Variants in GCLC observed in about 807,000 individuals in gnomAD.
GCLC encodes the protein glutamate--cysteine ligase catalytic subunit.
Under a neutral mutation model 81.5 loss-of-function variants are expected in GCLC, and 30 were observed. That is an observed-to-expected ratio of 0.37 (90% CI 0.28 to 0.50). The LOEUF (loss-of-function observed/expected upper bound fraction) is 0.50. Among genes scored for constraint, GCLC ranks in the 20% least tolerant of loss-of-function variants. GCLC has a pLI of 0.96. For missense variants in GCLC, 556 were observed against 777.4 expected, an observed-to-expected ratio of 0.72 and a Z score of 3.39; for synonymous variants, 262 against 273.3, an observed-to-expected ratio of 0.96 and a Z score of 0.41.
chr6:53,542,662 G>A (rs1435914132), intron 1 of GCLC, among the ~76,000 whole-genome samples: 1 of 152,116 alleles, frequency 6.6e-6, no homozygotes, highest in Non-Finnish European at 1.5e-5. Flanking sequence ...TTCTACCTGG[G>A]ACAATGACTA....
Position 53,515,783 on chromosome 6 carries a change from GA to G in GCLC, c.560+325del, listed in dbSNP as rs5876317. Among the ~76,000 whole-genome samples the G allele has an allele frequency of 0.55, 82,876 of 150,646 alleles. 23,329 individuals are homozygous for G. Among genetic ancestry groups the G allele is most frequent in the African/African-American group, 0.67 (27,571 of 41,128 alleles). ...GACAAAAAAGGAGAAATAACTAAGA[GA>G]AAAAAAAAATCCCAGTAGGCATTTA... is the stretch of plus-strand genomic sequence containing the variant. On this transcript the variant is annotated intron_variant, in intron 4 of 15. Transcript: ENST00000650454.
At chr6:53,518,494 G>A (rs970271854) in intron 3 of GCLC, among the ~76,000 whole-genome samples, 1 of 152,074 alleles carries the variant, frequency 6.6e-6, no homozygotes, top group Non-Finnish European at 1.5e-5. Flanking sequence ...CAGGTGATCC[G>A]CCTGCCTCGG....
chr6:53,517,364 T>G (rs1385113413), intron 3 of GCLC, among the ~76,000 whole-genome samples: 4 of 148,598 alleles, frequency 2.7e-5, no homozygotes, highest in Non-Finnish European at 5.9e-5. Flanking sequence ...CCTAAAGTAC[T>G]GGGATTACAA....
Position 53,500,476 on chromosome 6 carries a change from G to C in GCLC, c.1433C>G (p.Ala478Gly). ...ENMKVAQKRD[A>G]VLQGMFYFRK... Reference sequence around the variant, plus strand: ...GAAATAAAACATTCCCTGCAAGACAGCATCTCTTTTCTGTGCTACCTTCAT... The same window carrying C: ...GAAATAAAACATTCCCTGCAAGACACCATCTCTTTTCTGTGCTACCTTCAT... The change falls in exon 13 of 16, where the codon GCT becomes GGT. Residue 478 changes from alanine (A) to glycine (G), a missense_variant. Ala to Gly is a moderately conservative substitution (Grantham distance 60). Around this residue, in one of 3 missense-constraint regions of GCLC, gnomAD observed 313 missense variants for 437.3 expected, o/e 0.72. Coordinates refer to ENST00000650454, the MANE Select transcript of GCLC (RefSeq NM_001498.4). The C allele has an allele frequency of 6.2e-7, 1 of 1,611,908 alleles. No individual in the cohort carries two copies. Among genetic ancestry groups the C allele is most frequent in the African/African-American group, 1.3e-5 (1 of 74,974 alleles).
chr6:53,523,727 G>A (rs2300422), intron 1 of GCLC, among the ~76,000 whole-genome samples: 12,893 of 152,084 alleles, frequency 0.085, 1,188 homozygotes, highest in Admixed American at 0.28. Context: ...TGAGTCAGCC[G>A]TCCTCATCAC....
Position 53,544,724 on chromosome 6 carries a change from G to A in GCLC, c.-79C>T. The A allele has an allele frequency of 1.4e-6, 2 of 1,390,682 alleles. No individual in the cohort carries two copies. The highest frequency in any genetic ancestry group is 1.9e-6 in the Non-Finnish European group (2 of 1,038,282). 86.1% of individuals were successfully genotyped at this position (1,390,682 alleles called of 1,614,324 possible). A position where few individuals can be genotyped will look rare whatever the true frequency, so the allele number is the denominator to read the frequency against. On this transcript the variant is annotated 5_prime_UTR_variant, in exon 1 of 16. Transcript: ENST00000650454. ...CCGGGCGCGAGACGGACACTCAGCC[G>A]CCCGCAGAAGGCGGCTGCCGCTCCA...
chr6:53,507,975 G>A (rs1764649308), intron 8 of GCLC, among the ~76,000 whole-genome samples: 1 of 152,154 alleles, frequency 6.6e-6, no homozygotes, highest in South Asian at 2.1e-4. Flanking sequence ...TAGAAAGCAT[G>A]TTCAACAATT....
chr6:53,514,716 T>G (rs1764832244), intron 4 of GCLC, among the ~76,000 whole-genome samples: 1 of 152,220 alleles, frequency 6.6e-6, no homozygotes. Context: ...TGCTCGAGAA[T>G]GCCGTTCTGT....
chr6:53,521,265 G>A (rs540462659), intron 2 of GCLC, among the ~76,000 whole-genome samples: 1 of 152,160 alleles, frequency 6.6e-6, no homozygotes, highest in Admixed American at 6.5e-5. Context: ...AGTGATTCTT[G>A]TGCCTCAGCC....
At chr6:53,515,172 G>A (rs1764842782) in intron 4 of GCLC, among the ~76,000 whole-genome samples, 1 of 152,204 alleles carries the variant, frequency 6.6e-6, no homozygotes, top group Non-Finnish European at 1.5e-5. Flanking sequence ...ATAAAATTAT[G>A]TTCATCTGGT....
intron 1 of GCLC, among the ~76,000 whole-genome samples, chr6:53,531,756 C>T (rs1246550680): frequency 6.6e-6 from 1 of 152,230 alleles, no homozygotes; most frequent in East Asian, 1.9e-4. Flanking sequence ...ACTCCTTCCC[C>T]TTTCCACCCT....
chr6:53,498,301 A>G lies in GCLC; in HGVS notation c.*455T>C, dbSNP rs1764415268. ...TTCAAGTGATTTAATGTAGACAACAAAGGAAATGACAAAGGAAAATTAACG... is the reference window on the plus strand; with the variant it reads ...TTCAAGTGATTTAATGTAGACAACAGAGGAAATGACAAAGGAAAATTAACG... On this transcript the variant is annotated 3_prime_UTR_variant, in exon 16 of 16. Transcript: ENST00000650454. 5.6e-6 allele frequency: 1 copy of G among 177,506 alleles called. No individual in the cohort carries two copies. The highest frequency in any genetic ancestry group is 1.2e-5 in the Non-Finnish European group (1 of 83,150). The allele number at this position is 177,506 out of a possible 1,614,324, so 11.0% of individuals were successfully genotyped here. A position where few individuals can be genotyped will look rare whatever the true frequency, so the allele number is the denominator to read the frequency against.
intron 12 of GCLC, 134 bp downstream of exon 12, chr6:53,505,258 G>A: frequency 1.5e-6 from 1 of 676,748 alleles, no homozygotes; most frequent in Non-Finnish European, 2.7e-6. Context: ...TAAAGAATAG[G>A]GCTGATGGAG....
chr6:53,516,307 A>G, intron 3 of GCLC, 85 bp from the exon 4 acceptor site: 1 of 845,300 alleles, frequency 1.2e-6, no homozygotes, highest in Non-Finnish European at 2.0e-6. Context: ...CACCTGCCAA[A>G]GACACCTCAT....
At chr6:53,511,947 C>CTT (rs535000790) in intron 6 of GCLC, among the ~76,000 whole-genome samples, 76 of 113,498 alleles carry the variant, frequency 6.7e-4, no homozygotes, top group Non-Finnish European at 9.8e-4. Context: ...GAACTTAGTG[C>CTT]TTTTTTTTTT....
At chr6:53,504,021 T>A (rs921751838) in intron 12 of GCLC, among the ~76,000 whole-genome samples, 1 of 152,156 alleles carries the variant, frequency 6.6e-6, no homozygotes, top group Non-Finnish European at 1.5e-5. Context: ...AGGCCACTAA[T>A]TAGAATTCCT....
intron 1 of GCLC, among the ~76,000 whole-genome samples, chr6:53,527,321 A>G (rs1320798267): frequency 1.3e-5 from 2 of 152,192 alleles, no homozygotes; most frequent in Admixed American, 1.3e-4. Context: ...TGGCCCAAAC[A>G]ATAGTTTTGA....
chr6:53,520,745 G>C (rs746874416), intron 3 of GCLC, 33 bp downstream of exon 3: 25 of 1,572,040 alleles, frequency 1.6e-5, no homozygotes, highest in Non-Finnish European at 2.2e-5. Context: ...ATCTCTGAGA[G>C]ATCTGCTGGG....
rs17883872 is a variant in GCLC, at chr6:53,529,666, A to G, written c.151-7139T>C. Among the ~76,000 whole-genome samples, 1,150 of 152,348 alleles carry G rather than the reference A, an allele frequency of 7.5e-3. 9 individuals are homozygous for G. Among genetic ancestry groups the G allele is most frequent in the Middle Eastern group, 0.048 (14 of 292 alleles). On this transcript the variant is annotated intron_variant, in intron 1 of 15. Coordinates refer to ENST00000650454, the MANE Select transcript of GCLC (RefSeq NM_001498.4). ...CAATAGGTTCTGAGTTCTAAAGACA[A>G]ATGAATTCCTTGGCTTTTTCCTAAG... is the stretch of plus-strand genomic sequence containing the variant.
Sources: gnomAD v4.1 joint callset for allele counts (sites outside exome capture counted in the v4.1 genomes callset) on GRCh38, gnomAD v4.1.1 for gene constraint, gnomAD v4.1.1 regional missense constraint, MANE v1.5 for transcripts, NCBI Gene and HGNC (gene_info 2026-07-23, HGNC 2026-07-21) for gene names.